Variants in PACSIN3 observed in about 807,000 individuals in gnomAD.
PACSIN3 encodes the protein protein kinase C and casein kinase substrate in neurons protein 3.
In PACSIN3, 34 loss-of-function variants were observed where a neutral mutation model predicts 56.1. The ratio of observed to expected loss-of-function variants is 0.61; its 90% CI spans 0.46 to 0.81. The LOEUF (loss-of-function observed/expected upper bound fraction) is 0.81. PACSIN3 is among the 30% of genes least tolerant of loss of function. The pLI, the probability that PACSIN3 is intolerant of heterozygous loss-of-function variation, is 0.00. For missense variants in PACSIN3, 535 were observed against 592.4 expected (o/e 0.90, Z 1.01); for synonymous variants, 218 against 229.8 (o/e 0.95, Z 0.46).
At chr11:47,181,620 T>G (rs1376381484) in intron 4 of PACSIN3, among the ~76,000 whole-genome samples, 1 of 152,114 alleles carries the variant, frequency 6.6e-6, no homozygotes, top group Non-Finnish European at 1.5e-5. Flanking sequence ...GCCCAGGGGT[T>G]CAAAACCAGT....
At position 47,178,576 on chromosome 11, in the gene PACSIN3, C is replaced by T; in HGVS notation, c.1038-89G>A. 1 of 1,491,608 alleles carries T rather than the reference C, an allele frequency of 6.7e-7. No homozygotes were observed. Among genetic ancestry groups the T allele is most frequent in the Non-Finnish European group, 9.0e-7 (1 of 1,105,808 alleles). The allele number at this position is 1,491,608 out of a possible 1,614,324, so 92.4% of individuals were successfully genotyped here. A position where few individuals can be genotyped will look rare whatever the true frequency, so the allele number is the denominator to read the frequency against. ...CAGGATCAGGGCAAAGGCCTCCCTA[C>T]CCCCAGAGGCACCTGGGAGAGTCAG... On this transcript the variant is annotated intron_variant, in intron 9 of 10. Coordinates refer to ENST00000298838, the MANE Select transcript of PACSIN3 (RefSeq NM_016223.5). The surrounding 1 kb of genome is among the most constrained non-coding windows in gnomAD (Gnocchi z 4.2).
chr11:47,180,101 G>A (rs2135454263), intron 6 of PACSIN3, 85 bp downstream of exon 6: 1 of 1,263,610 alleles, frequency 7.9e-7, no homozygotes, highest in South Asian at 1.3e-5. Flanking sequence ...GGGTGCTGGG[G>A]ACTGGACAAG....
Position 47,177,732 on chromosome 11 carries a change from AGCCTAGACTC to A in PACSIN3, c.*189_*198del, listed in dbSNP as rs551726808. 454 of 586,656 alleles carry A rather than the reference AGCCTAGACTC, an allele frequency of 7.7e-4. 7 individuals are homozygous for A. Among genetic ancestry groups the A allele is most frequent in the South Asian group, 5.1e-3 (242 of 47,090 alleles). 36.3% of individuals were successfully genotyped at this position (586,656 alleles called of 1,614,324 possible). ...ACCTCTGACCTCCCATCTTGCCCTC[AGCCTAGACTC>A]GTCCCTTCCCTACCAGTCCCTTCCC... On this transcript the variant is annotated 3_prime_UTR_variant, in exon 11 of 11. Transcript: ENST00000298838.
rs1287311230 is a variant in PACSIN3, at chr11:47,186,181, C to T, written c.-104+168G>A. ...CGCGGCACCGCAGATGGGACGGCCC[C>T]TCGGCGCGGCTACGGCCCTTCCCGT... On this transcript the variant is annotated intron_variant, in intron 1 of 10. Transcript: ENST00000298838. The surrounding 1 kb of genome is among the most constrained non-coding windows in gnomAD (Gnocchi z 4.5). Among the ~76,000 whole-genome samples, 1 of 151,932 alleles carries T rather than the reference C, an allele frequency of 6.6e-6. No individual in the cohort carries two copies. The highest frequency in any genetic ancestry group is 1.5e-5 in the Non-Finnish European group (1 of 67,908).
rs778019388 is a variant in PACSIN3 at position 47,182,579 on chromosome 11, G to A, written c.55-20C>T. On this transcript the variant is annotated intron_variant, in intron 3 of 10. Coordinates refer to ENST00000298838, the MANE Select transcript of PACSIN3 (RefSeq NM_016223.5). ...GCCAGCCTGGGCATACAGGAAAAGGGTGCCATCACCAGGGAGAAGCTTCCT... is the reference window on the plus strand; with the variant it reads ...GCCAGCCTGGGCATACAGGAAAAGGATGCCATCACCAGGGAGAAGCTTCCT... The A allele has an allele frequency of 3.7e-6, 6 of 1,606,262 alleles. No individual in the cohort carries two copies. The Admixed American group carries it at 5.0e-5, about 13-fold the overall frequency.
chr11:47,180,711 TAGGCC>T, intron 4 of PACSIN3, 21 bp from the exon 5 acceptor site: 1 of 1,574,708 alleles, frequency 6.4e-7, no homozygotes, highest in Non-Finnish European at 8.6e-7. Flanking sequence ...GGACAGGGCT[TAGGCC>T]AGGCCTGGGT....
At position 47,179,693 on chromosome 11, in the gene PACSIN3, C is replaced by T. The variant is rs1952979287; in HGVS notation, c.604-107G>A. 9.1e-7 allele frequency: 1 copy of T among 1,100,290 alleles called. No homozygotes were observed. Among genetic ancestry groups the T allele is most frequent in the East Asian group, 2.5e-5 (1 of 39,710 alleles). The allele number at this position is 1,100,290 out of a possible 1,614,324, so 68.2% of individuals were successfully genotyped here. On this transcript the variant is annotated intron_variant, in intron 6 of 10. Transcript: ENST00000298838. The surrounding 1 kb of genome is among the most constrained non-coding windows in gnomAD (Gnocchi z 4.4). Reference sequence around the variant, plus strand: ...AGGCTGCTAGACCCAGGGCTAGCCACTAGGGGCAATCAGTCCCAAGACCCA... The same window carrying T: ...AGGCTGCTAGACCCAGGGCTAGCCATTAGGGGCAATCAGTCCCAAGACCCA...
chr11:47,184,570 C>T lies in PACSIN3; in HGVS notation c.-103-1501G>A, dbSNP rs541103351. On this transcript the variant is annotated intron_variant, in intron 1 of 10. Transcript: ENST00000298838. Reference sequence around the variant, plus strand: ...CTGGAGCGCAGGAAACGCGCCCGCTCCAGCAGCTGTGGGAATGCTTGGTCC... The same window carrying T: ...CTGGAGCGCAGGAAACGCGCCCGCTTCAGCAGCTGTGGGAATGCTTGGTCC... 7.9e-5 allele frequency: 12 copies of T among 152,386 alleles called. No homozygotes were observed. In the East Asian group the frequency reaches 2.3e-3, roughly 29 times the overall value. The allele number at this position is 152,386 out of a possible 1,614,324, so 9.4% of individuals were successfully genotyped here. A position where few individuals can be genotyped will look rare whatever the true frequency, so the allele number is the denominator to read the frequency against.
chr11:47,177,859 G>A lies in PACSIN3; in HGVS notation c.*72C>T. On this transcript the variant is annotated 3_prime_UTR_variant, in exon 11 of 11. Coordinates refer to ENST00000298838, the MANE Select transcript of PACSIN3 (RefSeq NM_016223.5). ...GAGAGCGACGGTTCAGGGCCCTGAG[G>A]GTCCGGCTCTCCAGGAGAAGCTGGG... The A allele has an allele frequency of 8.4e-7, 1 of 1,194,492 alleles. No individual in the cohort carries two copies. The highest frequency in any genetic ancestry group is 1.2e-6 in the Non-Finnish European group (1 of 801,116). The allele number at this position is 1,194,492 out of a possible 1,614,324, so 74.0% of individuals were successfully genotyped here. A position where few individuals can be genotyped will look rare whatever the true frequency, so the allele number is the denominator to read the frequency against.
In PACSIN3 at chr11:47,177,600, G is replaced by T; in HGVS notation, c.*331C>A. 2.8e-6 allele frequency: 1 copy of T among 360,912 alleles called. No homozygotes were observed. The highest frequency in any genetic ancestry group is 5.1e-6 in the Non-Finnish European group (1 of 196,528). The allele number at this position is 360,912 out of a possible 1,614,324, so 22.4% of individuals were successfully genotyped here. A position where few individuals can be genotyped will look rare whatever the true frequency, so the allele number is the denominator to read the frequency against. On this transcript the variant is annotated 3_prime_UTR_variant, in exon 11 of 11. Transcript: ENST00000298838. ...ACAAGCCACAAGAGGGTGCTGCTAG[G>T]CCAGAACTACACTCACCCCAAGCCC...
intron 1 of PACSIN3, chr11:47,185,419 T>A (rs1274535576): frequency 6.6e-6 from 1 of 151,856 alleles, no homozygotes; most frequent in Non-Finnish European, 1.5e-5. Flanking sequence ...GGGCAGCCCC[T>A]CCCGGTGCGC....
rs759857440 is a variant in PACSIN3, at chr11:47,182,755, G to A, written c.-28C>T. 35 of 1,602,886 alleles carry A rather than the reference G, an allele frequency of 2.2e-5. No homozygotes were observed. The highest frequency in any genetic ancestry group is 1.0e-4 in the Admixed American group (6 of 57,468). On this transcript the variant is annotated 5_prime_UTR_variant, in exon 3 of 11. Transcript: ENST00000298838. ...TGTCCCCGCAGCACGGAATGGTGGC[G>A]GATTTGGGGCTGTGGAGGGCAGAGG...
rs1375333665 is a variant in PACSIN3, at chr11:47,179,735, A to G, written c.604-149T>C. The G allele has an allele frequency of 1.5e-6, 1 of 667,058 alleles. No individual in the cohort carries two copies. The highest frequency in any genetic ancestry group is 2.7e-5 in the East Asian group (1 of 36,708). The allele number at this position is 667,058 out of a possible 1,614,324, so 41.3% of individuals were successfully genotyped here. A position where few individuals can be genotyped will look rare whatever the true frequency, so the allele number is the denominator to read the frequency against. ...CAAGACCCAGCTCCTGCCCTCAAGG[A>G]CCCCAGCAGCCTAACAAGGGAGGTG... On this transcript the variant is annotated intron_variant, in intron 6 of 10. Transcript: ENST00000298838. The surrounding 1 kb of genome is among the most constrained non-coding windows in gnomAD (Gnocchi z 4.4).
intron 1 of PACSIN3, among the ~76,000 whole-genome samples, chr11:47,184,688 C>T (rs1184214906): frequency 6.6e-6 from 1 of 152,196 alleles, no homozygotes. Context: ...CTCACAAGCT[C>T]GTCACTTGGT....
chr11:47,185,221 C>G (rs1953097412), intron 1 of PACSIN3: 1 of 152,294 alleles, frequency 6.6e-6, no homozygotes, highest in Non-Finnish European at 1.5e-5. Flanking sequence ...GCTGCACGGG[C>G]CAAGGTAGGA....
At position 47,179,430 on chromosome 11, in the gene PACSIN3, C is replaced by T; in HGVS notation, c.760G>A (p.Asp254Asn). 6.2e-7 allele frequency: 1 copy of T among 1,614,102 alleles called. No homozygotes were observed. The highest frequency in any genetic ancestry group is 8.5e-7 in the Non-Finnish European group (1 of 1,180,040). ...DMLLTLHQHL[D>N]LSSSEKFHEL... ...TCATACTTCTCACTGCTGGAAAGGTCCAGGTGCTGGTGTAAGGTGAGCAGC... is the reference window on the plus strand; with the variant it reads ...TCATACTTCTCACTGCTGGAAAGGTTCAGGTGCTGGTGTAAGGTGAGCAGC... Residue 254 changes from aspartate (D) to asparagine (N), a missense_variant, in exon 7 of 11, where the codon GAC becomes AAC. Asp to Asn is a conservative substitution (Grantham distance 23). Transcript: ENST00000298838. This position sits in a 1 kb window ranked among gnomAD's most constrained non-coding sequence, Gnocchi z 4.4.
At chr11:47,180,759 G>A in intron 4 of PACSIN3, 69 bp from the exon 5 acceptor site, 14 of 1,273,628 alleles carry the variant, frequency 1.1e-5, no homozygotes, top group Non-Finnish European at 1.5e-5. Flanking sequence ...CCTCTCACTG[G>A]GTGTGAGGCA....
chr11:47,182,822 A>C (rs1270233343), intron 2 of PACSIN3, 58 bp from the exon 3 acceptor site: 2 of 1,355,124 alleles, frequency 1.5e-6, no homozygotes, highest in Non-Finnish European at 2.0e-6. Flanking sequence ...GGGGATAGGA[A>C]AAGACCCTCT....
chr11:47,180,411 AC>A, intron 5 of PACSIN3, 43 bp downstream of exon 5: 1 of 1,595,490 alleles, frequency 6.3e-7, no homozygotes, highest in Non-Finnish European at 8.5e-7. Context: ...TTGCAAACAA[AC>A]AGGAAGGAGC....
Sources: gnomAD v4.1 joint callset for allele counts (sites outside exome capture counted in the v4.1 genomes callset) on GRCh38, gnomAD v4.1.1 for gene constraint, Gnocchi (gnomAD v3.1) non-coding constraint, MANE v1.5 for transcripts, NCBI Gene and HGNC (gene_info 2026-07-23, HGNC 2026-07-21) for gene names.